Variants in PHACTR3 observed in about 807,000 individuals in gnomAD.
PHACTR3 encodes phosphatase and actin regulator 3.
PHACTR3 carries 16 observed loss-of-function variants against 66.8 expected under a neutral mutation model. That is an observed-to-expected ratio of 0.24 (90% CI 0.16 to 0.36). PHACTR3 has a LOEUF of 0.36. PHACTR3 is among the 10% of genes least tolerant of loss of function. PHACTR3 has a pLI of 1.00. For missense variants in PHACTR3, 647 were observed against 719.9 expected (o/e 0.90, Z 1.16); for synonymous variants, 323 against 292.1 (o/e 1.11, Z -1.08).
chr20:59,677,563 C>G (rs6027035), intron 1 of PHACTR3, among the ~76,000 whole-genome samples: 1 of 152,166 alleles, frequency 6.6e-6, no homozygotes, highest in African/African-American at 2.4e-5. Context: ...CCAAAGGTGC[C>G]TGCTGCGTTT....
At chr20:59,663,432 G>A (rs915994298) in intron 1 of PHACTR3, among the ~76,000 whole-genome samples, 2 of 152,346 alleles carry the variant, frequency 1.3e-5, no homozygotes, top group East Asian at 1.9e-4. Context: ...ACACATGGAC[G>A]TGTGAGTAAG....
At chr20:59,687,393 G>T (rs1023659933) in intron 1 of PHACTR3, among the ~76,000 whole-genome samples, 4 of 152,298 alleles carry the variant, frequency 2.6e-5, no homozygotes, top group Admixed American at 2.6e-4. Context: ...TGGAATTAAA[G>T]AAAACACTAC....
intron 2 of PHACTR3, 98 bp downstream of exon 2, chr20:59,743,366 A>C: frequency 1.4e-6 from 2 of 1,418,200 alleles, no homozygotes; most frequent in Non-Finnish European, 1.9e-6. Context: ...CCTGGCCCCT[A>C]CACAGGAGGG....
intron 1 of PHACTR3, among the ~76,000 whole-genome samples, chr20:59,662,899 C>G (rs1036890062): frequency 1.5e-4 from 23 of 152,192 alleles, no homozygotes; most frequent in African/African-American, 5.3e-4. Flanking sequence ...CCTAGGGCTG[C>G]TATAACAAAT....
chr20:59,774,584 A>G (rs2146897343), intron 7 of PHACTR3, 94 bp downstream of exon 7: 3 of 1,498,376 alleles, frequency 2.0e-6, no homozygotes, highest in East Asian at 2.3e-5. Flanking sequence ...TGGGGGAGGA[A>G]CAGGTCGAGG....
At chr20:59,676,461 C>A (rs1255758409) in intron 1 of PHACTR3, among the ~76,000 whole-genome samples, 1 of 151,934 alleles carries the variant, frequency 6.6e-6, no homozygotes, top group African/African-American at 2.4e-5. Flanking sequence ...CTCACCCCCA[C>A]CCCCACCTCA....
At chr20:59,684,534 C>A (rs930063897) in intron 1 of PHACTR3, among the ~76,000 whole-genome samples, 1 of 152,168 alleles carries the variant, frequency 6.6e-6, no homozygotes, top group Non-Finnish European at 1.5e-5. Flanking sequence ...TATCTGCAAT[C>A]CACCCTAGGC....
intron 1 of PHACTR3, among the ~76,000 whole-genome samples, chr20:59,719,396 CT>C (rs1456349948): frequency 6.6e-6 from 1 of 152,178 alleles, no homozygotes; most frequent in African/African-American, 2.4e-5. Flanking sequence ...AACTCCTGAC[CT>C]TGTGATCCAC....
At position 59,627,409 on chromosome 20, in the gene PHACTR3, G is replaced by C. The variant is rs527904876; in HGVS notation, c.118+22277G>C. Among the ~76,000 whole-genome samples, 14 of 152,334 alleles carry C rather than the reference G, an allele frequency of 9.2e-5. No homozygotes were observed. The South Asian group carries it at 2.5e-3, about 27-fold the overall frequency. ...GATGTGGTGTGAGAGGGATCAGATG[G>C]CTGGGATGAGACAGAAGAGTCCTGG... On this transcript the variant is annotated intron_variant, in intron 1 of 12. Transcript: ENST00000371015.
intron 8 of PHACTR3, among the ~76,000 whole-genome samples, chr20:59,810,882 A>G (rs6100604): frequency 0.066 from 10,009 of 152,268 alleles, 1,057 homozygotes; most frequent in African/African-American, 0.22. Flanking sequence ...CCTGCACGGT[A>G]GGTGTGCACT....
At chr20:59,700,620 A>T (rs1005269458) in intron 1 of PHACTR3, among the ~76,000 whole-genome samples, 2 of 152,204 alleles carry the variant, frequency 1.3e-5, no homozygotes, top group Non-Finnish European at 2.9e-5. Context: ...CCATGTTTAC[A>T]CTTGAAATGG....
intron 7 of PHACTR3, among the ~76,000 whole-genome samples, chr20:59,775,689 C>T (rs1295451283): frequency 1.3e-5 from 2 of 152,150 alleles, no homozygotes; most frequent in Non-Finnish European, 2.9e-5. Flanking sequence ...CTGAGGGCAC[C>T]AACCTCTCTG....
chr20:59,729,738 T>A (rs1275397034), intron 1 of PHACTR3, among the ~76,000 whole-genome samples: 1 of 152,180 alleles, frequency 6.6e-6, no homozygotes, highest in Non-Finnish European at 1.5e-5. Flanking sequence ...TCCATCTTGC[T>A]GTGTCACTTC....
chr20:59,832,713 G>A (rs2042419240), intron 8 of PHACTR3, among the ~76,000 whole-genome samples: 1 of 152,142 alleles, frequency 6.6e-6, no homozygotes, highest in Admixed American at 6.5e-5. Flanking sequence ...AGGCTGTGTG[G>A]GTCCTGCCCC....
intron 1 of PHACTR3, among the ~76,000 whole-genome samples, chr20:59,669,303 T>G (rs2036109888): frequency 6.6e-6 from 1 of 152,220 alleles, no homozygotes; most frequent in Admixed American, 6.5e-5. Flanking sequence ...TGTTAACTAC[T>G]GAAGATGGGG....
At chr20:59,780,542 A>G (rs2040688573) in intron 7 of PHACTR3, among the ~76,000 whole-genome samples, 1 of 152,154 alleles carries the variant, frequency 6.6e-6, no homozygotes, top group Non-Finnish European at 1.5e-5. Flanking sequence ...CCCATTGGTG[A>G]GGGTTCCACC....
Position 59,605,151 on chromosome 20 carries a change from GCGGCGGGCGGGT to G in PHACTR3, c.118+23_118+34del. 3.1e-6 allele frequency: 4 copies of G among 1,296,918 alleles called. No individual in the cohort carries two copies. Among genetic ancestry groups the G allele is most frequent in the Non-Finnish European group, 4.0e-6 (4 of 1,012,474 alleles). 80.3% of individuals were successfully genotyped at this position (1,296,918 alleles called of 1,614,324 possible). A position where few individuals can be genotyped will look rare whatever the true frequency, so the allele number is the denominator to read the frequency against. ...AACCCAGGTAACGGGCTGGGCGGGG[GCGGCGGGCGGGT>G]CGGGGAGGCCCGAGGCAGGTGGCGC... On this transcript the variant is annotated intron_variant, in intron 1 of 12. Transcript: ENST00000371015.
rs760328804 is a variant in PHACTR3, at chr20:59,747,767, A to G, written c.290A>G (p.Lys97Arg). The G allele has an allele frequency of 6.2e-7, 1 of 1,613,980 alleles. No homozygotes were observed. Among genetic ancestry groups the G allele is most frequent in the Non-Finnish European group, 8.5e-7 (1 of 1,179,958 alleles). ...TTTGTGTGTTGGGCAGCGCTGGAGA[A>G]GAAGATGGCCGGCAGGCAAGGCCGA... Reference protein sequence around the residue: ...KLKQTTSALEKKMAGRQGREE... With the variant: ...KLKQTTSALERKMAGRQGREE... Residue 97 changes from lysine to arginine, a missense_variant, in exon 3 of 13, where the codon AAG (lysine) becomes AGG (arginine). Lys to Arg is a conservative substitution (Grantham distance 26, BLOSUM62 2). Coordinates refer to ENST00000371015, the MANE Select transcript of PHACTR3 (RefSeq NM_080672.5).
intron 1 of PHACTR3, among the ~76,000 whole-genome samples, chr20:59,694,851 G>A (rs1485253858): frequency 1.3e-5 from 2 of 152,178 alleles, no homozygotes; most frequent in Non-Finnish European, 2.9e-5. Context: ...AGGAGATAGT[G>A]CAGGTGCTCA....
Sources: allele counts gnomAD v4.1 joint callset (sites outside exome capture counted in the v4.1 genomes callset), GRCh38; gene constraint gnomAD v4.1.1; transcripts MANE v1.5; gene names NCBI Gene and HGNC (gene_info 2026-07-23, HGNC 2026-07-21).